ABCC4: variants seen among roughly 807,000 people sequenced by gnomAD.
The protein encoded by ABCC4 is ATP binding cassette subfamily C member 4 (PEL blood group).
ABCC4 carries 102 observed loss-of-function variants against 168.5 expected under a neutral mutation model. The observed-to-expected ratio is 0.61, with a 90% CI of 0.52 to 0.71. ABCC4 has a LOEUF of 0.71. Among genes scored for constraint, ABCC4 ranks in the 30% least tolerant of loss-of-function variants. ABCC4 has a pLI of 0.00. For missense variants in ABCC4, 1,402 were observed against 1,605.8 expected, an observed-to-expected ratio of 0.87 and a Z score of 2.17; for synonymous variants, 617 against 590.7, an observed-to-expected ratio of 1.04 and a Z score of -0.65.
At chr13:95,090,228 AG>A (rs2139348556) in intron 20 of ABCC4, among the ~76,000 whole-genome samples, 1 of 152,288 alleles carries the variant, frequency 6.6e-6, no homozygotes, top group South Asian at 2.1e-4. Context: ...AGGGAGTCCT[AG>A]GGTCCTGTGC....
At chr13:95,115,759 C>A (rs538110294) in intron 20 of ABCC4, among the ~76,000 whole-genome samples, 163 bp downstream of exon 20, 29 of 152,300 alleles carry the variant, frequency 1.9e-4, no homozygotes, top group African/African-American at 6.5e-4. Context: ...AACTTAGCCT[C>A]TGAGTTATAA....
chr13:95,117,702 AAAAGTT>A (rs543656041), intron 19 of ABCC4, among the ~76,000 whole-genome samples: 224 of 152,198 alleles, frequency 1.5e-3, no homozygotes, highest in Middle Eastern at 6.8e-3. Flanking sequence ...TCTTAAGTGG[AAAAGTT>A]AACATAGGCA....
chr13:95,083,384 TGAAA>T, intron 20 of ABCC4, 94 bp from the exon 21 acceptor site: 1 of 1,432,896 alleles, frequency 7.0e-7, no homozygotes, highest in Admixed American at 2.3e-5. Flanking sequence ...CTCCTTTCTC[TGAAA>T]GACTTATTGT....
rs2037436382 is a variant in ABCC4 at position 95,170,629 on chromosome 13, C to T, written c.1728-1G>A. Reference sequence around the variant, plus strand: ...CTCATGCAAAATTTGACAAATACACCTATAAATGTAAAAGGCACAGGGTGA... The same window carrying T: ...CTCATGCAAAATTTGACAAATACACTTATAAATGTAAAAGGCACAGGGTGA... On this transcript the variant is annotated splice_acceptor_variant, in intron 13 of 30. Transcript: ENST00000645237. LOFTEE classifies it high-confidence loss of function. 1 of 1,598,866 alleles carries T rather than the reference C, an allele frequency of 6.3e-7. No homozygotes were observed. The highest frequency in any genetic ancestry group is 8.5e-7 in the Non-Finnish European group (1 of 1,169,856).
intron 24 of ABCC4, 77 bp from the exon 25 acceptor site, chr13:95,071,930 T>C (rs1041795459): frequency 8.9e-7 from 1 of 1,120,030 alleles, no homozygotes. Flanking sequence ...GTCAATGAAA[T>C]GTTCTTCTTT....
chr13:95,096,050 A>T (rs2139360749), intron 20 of ABCC4: 1 of 424,324 alleles, frequency 2.4e-6, no homozygotes. Context: ...AATATCAAAA[A>T]AACAACATTT....
intron 19 of ABCC4, among the ~76,000 whole-genome samples, chr13:95,134,322 T>C (rs187076254): frequency 1.3e-5 from 2 of 152,138 alleles, no homozygotes; most frequent in Admixed American, 6.5e-5. Flanking sequence ...TTTCTAGCAA[T>C]GAAAAGTAAA....
At chr13:95,196,893 G>C (rs989653281) in intron 8 of ABCC4, among the ~76,000 whole-genome samples, 1 of 152,088 alleles carries the variant, frequency 6.6e-6, no homozygotes, top group Non-Finnish European at 1.5e-5. Flanking sequence ...CACTCCCTAA[G>C]GATCTTCTGA....
At chr13:95,131,633 A>G (rs975376731) in intron 19 of ABCC4, among the ~76,000 whole-genome samples, 5 of 152,120 alleles carry the variant, frequency 3.3e-5, no homozygotes, top group African/African-American at 1.2e-4. Flanking sequence ...TCTCAAAAAA[A>G]AAGAAGAGAA....
chr13:95,297,233 G>A (rs6492779), intron 1 of ABCC4, among the ~76,000 whole-genome samples: 127,553 of 149,646 alleles, frequency 0.85, 55,864 homozygotes, highest in Non-Finnish European at 0.94. Context: ...ATCACACCAC[G>A]GCCAGCCTGG....
At chr13:95,041,655 G>A (rs923212916) in intron 29 of ABCC4, among the ~76,000 whole-genome samples, 3 of 152,008 alleles carry the variant, frequency 2.0e-5, no homozygotes, top group Admixed American at 6.5e-5. Context: ...TTTCTGGAAC[G>A]GTATCTCTAA....
chr13:95,290,117 T>TAGATAGAG (rs1566604038), intron 1 of ABCC4, among the ~76,000 whole-genome samples: 1 of 61,098 alleles, frequency 1.6e-5, no homozygotes, highest in Admixed American at 2.0e-4. Flanking sequence ...GATAGATAGA[T>TAGATAGAG]AGATAGATAG....
At chr13:95,139,727 G>C (rs1450352401) in intron 19 of ABCC4, among the ~76,000 whole-genome samples, 1 of 152,068 alleles carries the variant, frequency 6.6e-6, no homozygotes. Context: ...AACCATCCCA[G>C]AGTCATATTC....
At chr13:95,189,226 C>T (rs1263627760) in intron 9 of ABCC4, among the ~76,000 whole-genome samples, 2 of 147,062 alleles carry the variant, frequency 1.4e-5, no homozygotes, top group East Asian at 2.0e-4. Context: ...CTCCGCCTTC[C>T]GGGTTCACGC....
At chr13:95,244,670 A>AAAGAAAGAAATCAATCAATC (rs72377318) in intron 3 of ABCC4, among the ~76,000 whole-genome samples, 2 of 106,358 alleles carry the variant, frequency 1.9e-5, no homozygotes, top group East Asian at 2.5e-4. Context: ...AGAAAGAAAG[A>AAAGAAAGAAATCAATCAATC]AATCATAGCA....
intron 11 of ABCC4, 80 bp downstream of exon 11, chr13:95,186,621 A>T (rs1350459134): frequency 1.0e-5 from 14 of 1,368,762 alleles, no homozygotes; most frequent in Non-Finnish European, 1.4e-5. Context: ...ATTAAAAAAA[A>T]GTTAATAAAC....
chr13:95,118,204 T>A (rs1566435124), intron 19 of ABCC4, among the ~76,000 whole-genome samples: 1 of 152,130 alleles, frequency 6.6e-6, no homozygotes, highest in Non-Finnish European at 1.5e-5. Context: ...TACTTCCTTG[T>A]TCTAAGAAAC....
At chr13:95,247,596 C>T (rs772560908) in intron 2 of ABCC4, 47 bp downstream of exon 2, 1 of 1,473,628 alleles carries the variant, frequency 6.8e-7, no homozygotes, top group Admixed American at 1.7e-5. Context: ...TCCCCACACA[C>T]AGACACCCAC....
intron 1 of ABCC4, among the ~76,000 whole-genome samples, chr13:95,272,066 C>T (rs1279307122): frequency 4.7e-5 from 7 of 149,208 alleles, no homozygotes; most frequent in Admixed American, 2.7e-4. Context: ...TTTTTTGAGA[C>T]GAACTTTCGC....
Sources: allele counts gnomAD v4.1 joint callset (sites outside exome capture counted in the v4.1 genomes callset), GRCh38; gene constraint gnomAD v4.1.1; transcripts MANE v1.5; gene names NCBI Gene and HGNC (gene_info 2026-07-23, HGNC 2026-07-21).